The following CAMK4 variants were observed in gnomAD, a reference collection of about 807,000 sequenced individuals.
The protein encoded by CAMK4 is calcium/calmodulin-dependent protein kinase type IV.
A neutral mutation model predicts 44.9 loss-of-function variants in CAMK4; 22 were observed. The ratio of observed to expected loss-of-function variants is 0.49; its 90% CI spans 0.35 to 0.70. The LOEUF (loss-of-function observed/expected upper bound fraction) is 0.70. Ranked by LOEUF, CAMK4 falls within the 30% of genes least tolerant of loss-of-function variation. The probability of loss-of-function intolerance (pLI) is 0.01; values close to 1 mark genes in which losing one functional copy is unlikely to be tolerated. For missense variants in CAMK4, 498 were observed against 586.8 expected, an observed-to-expected ratio of 0.85 and a Z score of 1.56; for synonymous variants, 218 against 215.4, an observed-to-expected ratio of 1.01 and a Z score of -0.11.
At chr5:111,458,476 T>C (rs535149725) in intron 7 of CAMK4, among the ~76,000 whole-genome samples, 23 of 152,336 alleles carry the variant, frequency 1.5e-4, no homozygotes, top group African/African-American at 5.3e-4. Flanking sequence ...TAAATATTTG[T>C]TGTGCTTCTA....
rs150538500 is a variant in CAMK4, at chr5:111,384,708, C to T, written c.386+7766C>T. Among the ~76,000 whole-genome samples, 3 of 152,258 alleles carry T rather than the reference C, an allele frequency of 2.0e-5. No homozygotes were observed. The East Asian group carries it at 5.8e-4, about 29-fold the overall frequency. On this transcript the variant is annotated intron_variant, in intron 4 of 10. Coordinates refer to ENST00000282356, the MANE Select transcript of CAMK4 (RefSeq NM_001744.6). ...CTCTGAGCAGCTTTGAAATCTGTTC[C>T]CTTTTCCCTTTCCCAGTGCTTCTGC...
intron 1 of CAMK4, among the ~76,000 whole-genome samples, chr5:111,333,165 A>G (rs182967440): frequency 6.6e-6 from 1 of 151,526 alleles, no homozygotes; most frequent in Admixed American, 6.6e-5. Context: ...GATACACATT[A>G]AATATAGTAG....
chr5:111,461,528 G>A (rs1754640829), intron 7 of CAMK4, among the ~76,000 whole-genome samples: 1 of 152,158 alleles, frequency 6.6e-6, no homozygotes, highest in African/African-American at 2.4e-5. Flanking sequence ...CACCCAGTGT[G>A]GAGTCTGCCC....
chr5:111,419,580 T>G (rs1356648180), intron 5 of CAMK4, among the ~76,000 whole-genome samples: 3 of 152,242 alleles, frequency 2.0e-5, no homozygotes, highest in East Asian at 3.8e-4. Flanking sequence ...GTTTTAGGTC[T>G]AACATGTAAG....
At chr5:111,453,708 A>C (rs961077854) in intron 7 of CAMK4, among the ~76,000 whole-genome samples, 2 of 152,264 alleles carry the variant, frequency 1.3e-5, no homozygotes, top group Non-Finnish European at 2.9e-5. Context: ...CAAGCCACCC[A>C]GGGCCACGCA....
chr5:111,309,207 C>G (rs1380766638), intron 1 of CAMK4, among the ~76,000 whole-genome samples: 1 of 152,174 alleles, frequency 6.6e-6, no homozygotes, highest in Non-Finnish European at 1.5e-5. Flanking sequence ...TGAGACTATT[C>G]ATTGTCAGTA....
At chr5:111,473,463 A>G in intron 8 of CAMK4, 77 bp downstream of exon 8, 2 of 912,354 alleles carry the variant, frequency 2.2e-6, no homozygotes, top group South Asian at 3.0e-5. Context: ...AATGCTCATA[A>G]AAACCATAAA....
intron 5 of CAMK4, among the ~76,000 whole-genome samples, chr5:111,408,257 G>T (rs1357027097): frequency 6.6e-6 from 1 of 152,136 alleles, no homozygotes; most frequent in African/African-American, 2.4e-5. Flanking sequence ...TGCTAATAAA[G>T]ATATAGCCCA....
intron 5 of CAMK4, among the ~76,000 whole-genome samples, chr5:111,398,929 C>T (rs1020624658): frequency 4.6e-5 from 7 of 152,148 alleles, no homozygotes; most frequent in Non-Finnish European, 7.4e-5. Flanking sequence ...TCTGCACTAA[C>T]CCATTGCCCT....
At chr5:111,432,350 G>A (rs998895830) in intron 5 of CAMK4, among the ~76,000 whole-genome samples, 3 of 152,054 alleles carry the variant, frequency 2.0e-5, no homozygotes, top group Non-Finnish European at 4.4e-5. Flanking sequence ...GGTTACCAGA[G>A]GCTGGGAAGT....
chr5:111,466,586 A>G (rs1278080381), intron 7 of CAMK4, among the ~76,000 whole-genome samples: 1 of 152,138 alleles, frequency 6.6e-6, no homozygotes, highest in Non-Finnish European at 1.5e-5. Context: ...AAAGAACCCA[A>G]CCCCTTTTAC....
chr5:111,281,974 C>T (rs1349020271), intron 1 of CAMK4, among the ~76,000 whole-genome samples: 8 of 151,470 alleles, frequency 5.3e-5, no homozygotes, highest in African/African-American at 1.9e-4. Flanking sequence ...AGGAGAATGG[C>T]GTGAACCCCA....
At chr5:111,448,208 A>G (rs1204181540) in intron 6 of CAMK4, among the ~76,000 whole-genome samples, 1 of 152,222 alleles carries the variant, frequency 6.6e-6, no homozygotes, top group East Asian at 1.9e-4. Flanking sequence ...TTACCTAGGT[A>G]ATATTCTGAG....
chr5:111,330,361 A>T (rs1458391559), intron 1 of CAMK4, among the ~76,000 whole-genome samples: 1 of 151,692 alleles, frequency 6.6e-6, no homozygotes, highest in African/African-American at 2.4e-5. Flanking sequence ...AAATGGAGTG[A>T]TACACACTGT....
At chr5:111,289,472 C>G (rs989969138) in intron 1 of CAMK4, among the ~76,000 whole-genome samples, 2 of 152,210 alleles carry the variant, frequency 1.3e-5, no homozygotes, top group African/African-American at 4.8e-5. Flanking sequence ...GTAACCCCTT[C>G]AGTGTAGTGG....
intron 6 of CAMK4, among the ~76,000 whole-genome samples, chr5:111,447,741 A>G (rs1275707473): frequency 6.6e-6 from 1 of 152,198 alleles, no homozygotes; most frequent in Non-Finnish European, 1.5e-5. Flanking sequence ...TACAGATGTT[A>G]ACACCTTTAA....
At chr5:111,347,167 A>C (rs1561429030) in intron 2 of CAMK4, among the ~76,000 whole-genome samples, 1 of 152,044 alleles carries the variant, frequency 6.6e-6, no homozygotes, top group Non-Finnish European at 1.5e-5. Context: ...ACTTGGGGTC[A>C]GAAGAAAGGA....
rs1478356854 is a variant in CAMK4 at position 111,478,588 on chromosome 5, A to C, written c.828+81A>C. On this transcript the variant is annotated intron_variant, in intron 9 of 10. Coordinates refer to ENST00000282356, the MANE Select transcript of CAMK4 (RefSeq NM_001744.6). ...TTAATGGGAAGTACAATTTTTTAAA[A>C]TTTTACCCATATTAATGCCATATTT... The C allele has an allele frequency of 8.0e-6, 5 of 623,030 alleles. No homozygotes were observed. In the African/African-American group the frequency reaches 9.5e-5, roughly 12 times the overall value. 38.6% of individuals were successfully genotyped at this position (623,030 alleles called of 1,614,324 possible).
intron 1 of CAMK4, among the ~76,000 whole-genome samples, chr5:111,338,726 C>T (rs1170504697): frequency 1.3e-5 from 2 of 151,410 alleles, no homozygotes; most frequent in Admixed American, 6.6e-5. Context: ...GAGAACTTTT[C>T]CCATTGCTTG....
Sources: allele counts gnomAD v4.1 joint callset (sites outside exome capture counted in the v4.1 genomes callset), GRCh38; gene constraint gnomAD v4.1.1; transcripts MANE v1.5; gene names NCBI Gene and HGNC (gene_info 2026-07-23, HGNC 2026-07-21).